The following CYLC2 variants were observed in gnomAD, a reference collection of about 807,000 sequenced individuals.
The protein encoded by CYLC2 is cylicin 2.
In CYLC2, 30 loss-of-function variants were observed where a neutral mutation model predicts 26.1. The ratio of observed to expected loss-of-function variants is 1.15; its 90% CI spans 0.86 to 1.56. The LOEUF (loss-of-function observed/expected upper bound fraction) is 1.56. CYLC2 is among the 40% of genes most tolerant of loss of function. The pLI, the probability that CYLC2 is intolerant of heterozygous loss-of-function variation, is 0.00. For synonymous variants in CYLC2, 158 were observed against 132.8 expected (o/e 1.19, Z -1.31); for missense variants, 498 against 394.4 (o/e 1.26, Z -2.23).
intron 1 of CYLC2, among the ~76,000 whole-genome samples, chr9:102,997,755 T>G (rs932232624): frequency 6.6e-6 from 1 of 151,888 alleles, no homozygotes; most frequent in Non-Finnish European, 1.5e-5. Flanking sequence ...TTAAAACACA[T>G]CTAAGCAGAG....
intron 6 of CYLC2, among the ~76,000 whole-genome samples, chr9:103,016,517 T>C (rs572244195): frequency 1.8e-4 from 27 of 152,152 alleles, no homozygotes; most frequent in African/African-American, 6.3e-4. Flanking sequence ...CGGTGTTCTA[T>C]TTTCTGCTAT....
chr9:103,010,767 A>G (rs1044364027), intron 5 of CYLC2: 1 of 152,086 alleles, frequency 6.6e-6, no homozygotes, highest in Admixed American at 6.6e-5. Context: ...CTCTCCTCCT[A>G]CTACTGTTCC....
intron 3 of CYLC2, among the ~76,000 whole-genome samples, chr9:103,003,702 T>TA (rs1829312050): frequency 6.6e-6 from 1 of 152,092 alleles, no homozygotes; most frequent in Non-Finnish European, 1.5e-5. Context: ...CCACACATTG[T>TA]AAAAATTGTT....
chr9:103,013,156 T>TATATATTATATAAACATATATTTA (rs1829428427), intron 6 of CYLC2, among the ~76,000 whole-genome samples: 1 of 111,244 alleles, frequency 9.0e-6, no homozygotes, highest in Non-Finnish European at 1.7e-5. Context: ...CATATATAAA[T>TATATATTATATAAACATATATTTA]ATATATTATA....
chr9:103,010,631 C>A (rs183678286), intron 5 of CYLC2: 94 of 152,104 alleles, frequency 6.2e-4, no homozygotes, highest in African/African-American at 2.2e-3. Flanking sequence ...TCTTCATATC[C>A]TATGTATCTT....
intron 1 of CYLC2, among the ~76,000 whole-genome samples, chr9:103,000,445 T>G (rs1829277457): frequency 6.6e-6 from 1 of 152,062 alleles, no homozygotes; most frequent in African/African-American, 2.4e-5. Context: ...TAATCATTGT[T>G]GGGTATCAAC....
intron 6 of CYLC2, among the ~76,000 whole-genome samples, chr9:103,012,450 A>G (rs1829417593): frequency 6.6e-6 from 1 of 152,064 alleles, no homozygotes; most frequent in African/African-American, 2.4e-5. Flanking sequence ...AAGACACCGA[A>G]TATTTTCTAA....
At chr9:102,998,660 C>T (rs1299974456) in intron 1 of CYLC2, among the ~76,000 whole-genome samples, 1 of 151,848 alleles carries the variant, frequency 6.6e-6, no homozygotes, top group Admixed American at 6.6e-5. Flanking sequence ...ACTAAAAATG[C>T]AAGAGGTTAA....
chr9:103,002,091 G>T (rs1490224843), intron 2 of CYLC2, among the ~76,000 whole-genome samples: 2 of 151,786 alleles, frequency 1.3e-5, no homozygotes, highest in African/African-American at 2.4e-5. Context: ...ATTTTTTTCT[G>T]TACATTTTTC....
rs977472835 is a variant in CYLC2, at chr9:103,005,638, A to T, written c.1007A>T (p.Lys336Met). The T allele has an allele frequency of 6.2e-7, 1 of 1,612,772 alleles. No individual in the cohort carries two copies. The highest frequency in any genetic ancestry group is 2.2e-5 in the East Asian group (1 of 44,852). Residue 336 changes from lysine (K) to methionine (M), a missense_variant, in exon 5 of 8, where the codon AAG becomes ATG. Transcript: ENST00000374798. ...AAGAAGGATGCAAAGAAGAATGCAA[A>T]GAAGGATGAAAAGAAGGATGCAAAG... ...DAKKDAKKNA[K>M]KDEKKDAKKK...
intron 7 of CYLC2, 90 bp downstream of exon 7, chr9:103,017,051 T>TC (rs1225292567): frequency 4.6e-5 from 7 of 150,570 alleles, no homozygotes; most frequent in African/African-American, 1.7e-4. Context: ...TTTTTTTTTT[T>TC]CATGTTGTTT....
rs187669252 is a variant in CYLC2, at chr9:103,010,202, T to C, written c.*701-1780T>C. Among the ~76,000 whole-genome samples, 1,050 of 152,192 alleles carry C rather than the reference T, an allele frequency of 6.9e-3. 3 individuals are homozygous for C. Among genetic ancestry groups the C allele is most frequent in the Non-Finnish European group, 0.013 (858 of 67,974 alleles). On this transcript the variant is annotated intron_variant, in intron 5 of 7. Coordinates refer to ENST00000374798, the MANE Select transcript of CYLC2 (RefSeq NM_001340.5). ...AAGTTGTCATATACCAAGTTAATTA[T>C]GTACCAAGTGAAAAGTTTTATACCA...
intron 5 of CYLC2, among the ~76,000 whole-genome samples, chr9:103,007,036 T>C (rs74947885): frequency 0.025 from 3,818 of 152,222 alleles, 177 homozygotes; most frequent in African/African-American, 0.085. Context: ...AAATATGCTT[T>C]TACTGATCAA....
intron 5 of CYLC2, among the ~76,000 whole-genome samples, chr9:103,009,042 TG>T (rs1829379849): frequency 6.6e-6 from 1 of 152,158 alleles, no homozygotes; most frequent in Non-Finnish European, 1.5e-5. Flanking sequence ...ATGCACTTGT[TG>T]CATTGGATTT....
chr9:103,007,785 T>C (rs1829366459), intron 5 of CYLC2, among the ~76,000 whole-genome samples: 2 of 152,146 alleles, frequency 1.3e-5, no homozygotes, highest in South Asian at 4.1e-4. Context: ...AAAGCTTCTC[T>C]TGGACATTAA....
chr9:103,010,217 G>A (rs868371349), intron 5 of CYLC2, among the ~76,000 whole-genome samples: 5 of 152,056 alleles, frequency 3.3e-5, no homozygotes, highest in South Asian at 2.1e-4. Flanking sequence ...CAAGTGAAAA[G>A]TTTTATACCA....
intron 3 of CYLC2, among the ~76,000 whole-genome samples, chr9:103,003,594 A>C (rs1005188033): frequency 1.3e-5 from 2 of 152,192 alleles, no homozygotes; most frequent in Non-Finnish European, 2.9e-5. Flanking sequence ...GTTAGAGATA[A>C]TTCAAAGTCT....
chr9:103,014,885 T>TTATGCAATATACATAATA (rs1564101455), intron 6 of CYLC2, among the ~76,000 whole-genome samples: 14 of 133,974 alleles, frequency 1.0e-4, no homozygotes, highest in South Asian at 2.2e-4. Context: ...ACTATGTATA[T>TTATGCAATATACATAATA]TATGTAATAT....
chr9:102,995,398 G>T lies in CYLC2; in HGVS notation c.17+1G>T. 1 of 1,602,732 alleles carries T rather than the reference G, an allele frequency of 6.2e-7. No individual in the cohort carries two copies. Among genetic ancestry groups the T allele is most frequent in the Non-Finnish European group, 8.5e-7 (1 of 1,170,504 alleles). On this transcript the variant is annotated splice_donor_variant, in intron 1 of 7. Coordinates refer to ENST00000374798, the MANE Select transcript of CYLC2 (RefSeq NM_001340.5). LOFTEE classifies it high-confidence loss of function. Reference sequence around the variant, plus strand: ...TGGGGAAAATGTCTCTCCCAAGATTGTAAGTCAAATTTTATGTTTTAAAAT... The same window carrying T: ...TGGGGAAAATGTCTCTCCCAAGATTTTAAGTCAAATTTTATGTTTTAAAAT...
Sources: gnomAD v4.1 joint callset for allele counts (sites outside exome capture counted in the v4.1 genomes callset) on GRCh38, gnomAD v4.1.1 for gene constraint, MANE v1.5 for transcripts, NCBI Gene and HGNC (gene_info 2026-07-23, HGNC 2026-07-21) for gene names.